The following SP4 variants were observed in gnomAD, a reference collection of about 807,000 sequenced individuals.
SP4 encodes the protein transcription factor Sp4.
Under a neutral mutation model 72.8 loss-of-function variants are expected in SP4, and 19 were observed. That is an observed-to-expected ratio of 0.26 (90% confidence interval 0.18 to 0.38). SP4 has a LOEUF of 0.38. Among genes scored for constraint, SP4 ranks in the 10% least tolerant of loss-of-function variants. The pLI is 1.00. For missense variants in SP4, 1,008 were observed against 926.3 expected, an observed-to-expected ratio of 1.09 and a Z score of -1.14; for synonymous variants, 395 against 333.1, an observed-to-expected ratio of 1.19 and a Z score of -2.02.
At chr7:21,475,717 C>T (rs1310402336) in intron 3 of SP4, among the ~76,000 whole-genome samples, 2 of 152,168 alleles carry the variant, frequency 1.3e-5, no homozygotes, top group Non-Finnish European at 2.9e-5. Flanking sequence ...ACATCTCAGC[C>T]TCCCAAAGTG....
intron 3 of SP4, among the ~76,000 whole-genome samples, chr7:21,449,543 A>T (rs925250945): frequency 6.6e-6 from 1 of 152,228 alleles, no homozygotes; most frequent in African/African-American, 2.4e-5. Flanking sequence ...ATGCGTGTAT[A>T]GGTAAATATG....
chr7:21,483,372 C>T (rs529556430), intron 5 of SP4, among the ~76,000 whole-genome samples: 45 of 151,916 alleles, frequency 3.0e-4, no homozygotes, highest in African/African-American at 1.1e-3. Context: ...GGAAGTCTTA[C>T]ATTTTTATTT....
In SP4 at chr7:21,440,364, C is replaced by T. The variant is rs138368740; in HGVS notation, c.1678+9521C>T. ...AGGTGGTAACTTGGTGACATCTCTA[C>T]GTAGTGACACCCACTAGAAGAATGT... is the stretch of plus-strand genomic sequence containing the variant. On this transcript the variant is annotated intron_variant, in intron 3 of 5. Coordinates refer to ENST00000222584, the MANE Select transcript of SP4 (RefSeq NM_003112.5). Among the ~76,000 whole-genome samples, 744 of 152,194 alleles carry T rather than the reference C, an allele frequency of 4.9e-3. 1 individual carries two copies. The highest frequency in any genetic ancestry group is 9.2e-3 in the Non-Finnish European group (628 of 68,032).
rs576414142 is a variant in SP4 at position 21,428,139 on chromosome 7, C to T, written c.-113C>T. 2.8e-6 allele frequency: 2 copies of T among 723,186 alleles called. No homozygotes were observed. Among genetic ancestry groups the T allele is most frequent in the South Asian group, 1.5e-5 (1 of 67,574 alleles). 44.8% of individuals were successfully genotyped at this position (723,186 alleles called of 1,614,324 possible). On this transcript the variant is annotated 5_prime_UTR_variant, in exon 1 of 6. Coordinates refer to ENST00000222584, the MANE Select transcript of SP4 (RefSeq NM_003112.5). ...AGGCAGAGCCTGTGCCAGCTACAGC[C>T]TCCTCCGAGCCACCGCGGGCGGGCG...
At chr7:21,453,265 G>A (rs562745521) in intron 3 of SP4, among the ~76,000 whole-genome samples, 1 of 152,204 alleles carries the variant, frequency 6.6e-6, no homozygotes, top group African/African-American at 2.4e-5. Flanking sequence ...AGTCCTGAAA[G>A]GTTTTTTTCT....
intron 3 of SP4, among the ~76,000 whole-genome samples, chr7:21,474,952 A>C (rs1262826583): frequency 1.3e-5 from 2 of 152,172 alleles, no homozygotes; most frequent in African/African-American, 4.8e-5. Flanking sequence ...GGAGAGTGAG[A>C]TTGACTTTGG....
intron 3 of SP4, among the ~76,000 whole-genome samples, chr7:21,461,234 C>A (rs575118667): frequency 2.0e-5 from 3 of 152,160 alleles, no homozygotes; most frequent in South Asian, 2.1e-4. Context: ...GGACCGGGTG[C>A]CATGGAGCAG....
In SP4 at chr7:21,464,376, G is replaced by A. The variant is rs577037975; in HGVS notation, c.1679-12703G>A. 5.3e-5 allele frequency among the ~76,000 whole-genome samples: 8 copies of A among 152,078 alleles called. No individual in the cohort carries two copies. In the East Asian group the frequency reaches 1.2e-3, roughly 22 times the overall value. On this transcript the variant is annotated intron_variant, in intron 3 of 5. Transcript: ENST00000222584. ...CTCCCAAAGTGCTGGGATTACAGGC[G>A]TGAGCCACTGCGCCCGGCCAGTCAG... is the stretch of plus-strand genomic sequence containing the variant.
intron 3 of SP4, among the ~76,000 whole-genome samples, chr7:21,462,558 A>T (rs527824799): frequency 6.6e-6 from 1 of 152,108 alleles, no homozygotes; most frequent in South Asian, 2.1e-4. Context: ...GTATGTTGAA[A>T]GTGTCTAGTT....
chr7:21,508,530 T>C (rs1245140003), intron 5 of SP4, among the ~76,000 whole-genome samples: 2 of 152,140 alleles, frequency 1.3e-5, no homozygotes, highest in Non-Finnish European at 2.9e-5. Flanking sequence ...GGTTTCACCA[T>C]GTTGGCCAGG....
At chr7:21,478,036 A>C (rs958184840) in intron 4 of SP4, among the ~76,000 whole-genome samples, 1 of 151,918 alleles carries the variant, frequency 6.6e-6, no homozygotes, top group Non-Finnish European at 1.5e-5. Context: ...TTTAAGCATC[A>C]CCCCCTTATC....
intron 5 of SP4, among the ~76,000 whole-genome samples, chr7:21,492,780 A>G (rs1785013705): frequency 1.3e-5 from 2 of 152,248 alleles, no homozygotes; most frequent in South Asian, 4.1e-4. Context: ...CTGGATAAAG[A>G]GAGTATCTGA....
chr7:21,478,830 G>A (rs952764653), intron 4 of SP4, among the ~76,000 whole-genome samples: 1 of 152,144 alleles, frequency 6.6e-6, no homozygotes, highest in African/African-American at 2.4e-5. Context: ...AGCACTTCGG[G>A]AGGCCAAGGC....
chr7:21,455,335 C>A (rs1783728427), intron 3 of SP4, among the ~76,000 whole-genome samples: 1 of 152,074 alleles, frequency 6.6e-6, no homozygotes, highest in Non-Finnish European at 1.5e-5. Context: ...AACAGTATTA[C>A]AAAGGAAAAC....
intron 3 of SP4, among the ~76,000 whole-genome samples, chr7:21,443,258 C>T (rs1295802407): frequency 3.3e-5 from 5 of 152,070 alleles, no homozygotes; most frequent in South Asian, 4.1e-4. Flanking sequence ...ACTTTGATTT[C>T]ATAGGAGAAT....
chr7:21,501,128 G>T (rs76540602), intron 5 of SP4, among the ~76,000 whole-genome samples: 95 of 152,180 alleles, frequency 6.2e-4, no homozygotes, highest in African/African-American at 2.2e-3. Flanking sequence ...CCCCTAATAA[G>T]GGTGTAATCT....
chr7:21,491,577 A>G (rs2128413661), intron 5 of SP4, among the ~76,000 whole-genome samples: 1 of 152,308 alleles, frequency 6.6e-6, no homozygotes, highest in African/African-American at 2.4e-5. Flanking sequence ...AGCAGAAACT[A>G]AAAGAAAACA....
intron 5 of SP4, among the ~76,000 whole-genome samples, chr7:21,502,236 A>G (rs1425589751): frequency 6.6e-6 from 1 of 152,072 alleles, no homozygotes; most frequent in East Asian, 1.9e-4. Flanking sequence ...CTTTTTTCCC[A>G]CAGTACCACC....
chr7:21,491,726 G>A (rs1784984278), intron 5 of SP4, among the ~76,000 whole-genome samples: 1 of 152,138 alleles, frequency 6.6e-6, no homozygotes, highest in African/African-American at 2.4e-5. Context: ...GGAGGACAGA[G>A]AAAGAAAAGA....
Sources: gnomAD v4.1 joint callset for allele counts (sites outside exome capture counted in the v4.1 genomes callset) on GRCh38, gnomAD v4.1.1 for gene constraint, MANE v1.5 for transcripts, NCBI Gene and HGNC (gene_info 2026-07-23, HGNC 2026-07-21) for gene names.